RAP1GAP2: variants seen among roughly 807,000 people sequenced by gnomAD.
RAP1GAP2 encodes rap1 GTPase-activating protein 2.
In RAP1GAP2, 27 loss-of-function variants were observed where a neutral mutation model predicts 95.0. That is an observed-to-expected ratio of 0.28 (90% CI 0.21 to 0.39). RAP1GAP2 has a LOEUF of 0.39. RAP1GAP2 is among the 10% of genes least tolerant of loss of function. The probability of loss-of-function intolerance (pLI) is 1.00; values close to 1 mark genes in which losing one functional copy is unlikely to be tolerated. For missense variants in RAP1GAP2, 771 were observed against 970.0 expected, an observed-to-expected ratio of 0.79 and a Z score of 2.72; for synonymous variants, 373 against 380.9, an observed-to-expected ratio of 0.98 and a Z score of 0.24.
At chr17:2,854,648 G>C (rs1341250294) in intron 2 of RAP1GAP2, among the ~76,000 whole-genome samples, 2 of 151,880 alleles carry the variant, frequency 1.3e-5, no homozygotes, top group African/African-American at 4.8e-5. Context: ...TCTTTCGTTT[G>C]CTCCTGGATA....
chr17:3,031,801 G>C (rs1208022411), intron 23 of RAP1GAP2, among the ~76,000 whole-genome samples: 1 of 139,698 alleles, frequency 7.2e-6, no homozygotes, highest in Admixed American at 7.1e-5. Flanking sequence ...GAGGTGGGAA[G>C]GGCTGGTTCC....
At chr17:3,012,651 G>T (rs2046598622) in intron 17 of RAP1GAP2, among the ~76,000 whole-genome samples, 1 of 146,064 alleles carries the variant, frequency 6.8e-6, no homozygotes, top group South Asian at 2.2e-4. Context: ...AGTTTGCAGT[G>T]ATCACTCCAA....
At chr17:2,926,858 A>G (rs1239337022) in intron 3 of RAP1GAP2, among the ~76,000 whole-genome samples, 4 of 151,624 alleles carry the variant, frequency 2.6e-5, no homozygotes, top group Non-Finnish European at 5.9e-5. Flanking sequence ...TACAAAAAAT[A>G]CTACAGGTGT....
intron 3 of RAP1GAP2, among the ~76,000 whole-genome samples, chr17:2,953,043 T>G (rs890180133): frequency 6.6e-6 from 1 of 152,178 alleles, no homozygotes; most frequent in Non-Finnish European, 1.5e-5. Flanking sequence ...TGGGCTCATG[T>G]GGTCTGCCCG....
At chr17:3,015,876 C>T (rs932666615) in intron 17 of RAP1GAP2, among the ~76,000 whole-genome samples, 7 of 152,006 alleles carry the variant, frequency 4.6e-5, no homozygotes, top group African/African-American at 1.7e-4. Context: ...ATGAGACCAT[C>T]TGTAGGTTAC....
At chr17:2,795,483 G>A (rs2069048286), upstream of RAP1GAP2, among the ~76,000 whole-genome samples, 1 of 152,184 alleles carries the variant, frequency 6.6e-6, no homozygotes, top group Non-Finnish European at 1.5e-5. Context: ...CGAACCCTGC[G>A]GTTCAGCTGG....
At chr17:2,778,015 GGGGAGGCTGGGAGGCT>G (rs1339909784) in intron 1 of RAP1GAP2, among the ~76,000 whole-genome samples, 1,416 of 33,662 alleles carry the variant, frequency 0.042, 107 homozygotes, top group African/African-American at 0.14. Context: ...GCTGGGAGGC[GGGGAGGCTGGGAGGCT>G]GGGAGGCGGG....
chr17:2,988,494 T>G (rs1304310865), intron 11 of RAP1GAP2, among the ~76,000 whole-genome samples: 2 of 152,190 alleles, frequency 1.3e-5, no homozygotes, highest in Non-Finnish European at 2.9e-5. Context: ...CCACTTGAGA[T>G]TGGCTTTTTT....
chr17:2,890,966 T>G (rs7503297), intron 2 of RAP1GAP2, among the ~76,000 whole-genome samples: 21,614 of 151,390 alleles, frequency 0.14, 1,922 homozygotes, highest in Non-Finnish European at 0.2. Context: ...GATTACAGGC[T>G]TGAGCCACCA....
chr17:2,989,628 C>G (rs940220345), intron 11 of RAP1GAP2, among the ~76,000 whole-genome samples: 1 of 151,898 alleles, frequency 6.6e-6, no homozygotes, highest in African/African-American at 2.4e-5. Flanking sequence ...GCACCGCGCC[C>G]GGCCGTTTTC....
chr17:2,894,092 A>G (rs547063993), intron 2 of RAP1GAP2, among the ~76,000 whole-genome samples: 10 of 151,570 alleles, frequency 6.6e-5, no homozygotes, highest in African/African-American at 1.2e-4. Flanking sequence ...CCTGGCCAAC[A>G]TGGCGAAACC....
chr17:2,979,407 C>T (rs866109027), intron 8 of RAP1GAP2, among the ~76,000 whole-genome samples: 3 of 151,562 alleles, frequency 2.0e-5, no homozygotes, highest in Non-Finnish European at 4.4e-5. Flanking sequence ...TAATGGCATC[C>T]TTATTTGCAT....
intron 2 of RAP1GAP2, among the ~76,000 whole-genome samples, chr17:2,828,601 C>T (rs562351044): frequency 7.9e-5 from 12 of 152,130 alleles, no homozygotes; most frequent in African/African-American, 1.9e-4. Flanking sequence ...TTTCCCCGTC[C>T]GCCAGCAGGT....
intron 2 of RAP1GAP2, among the ~76,000 whole-genome samples, chr17:2,875,225 C>T (rs1303567411): frequency 6.6e-6 from 1 of 152,070 alleles, no homozygotes; most frequent in Non-Finnish European, 1.5e-5. Context: ...CACCACCACG[C>T]CTGGTGAATT....
chr17:2,830,365 G>A (rs1403907994), intron 2 of RAP1GAP2, among the ~76,000 whole-genome samples: 1 of 152,042 alleles, frequency 6.6e-6, no homozygotes, highest in Non-Finnish European at 1.5e-5. Flanking sequence ...AGTGAGCCGA[G>A]GAGATCGTGC....
intron 8 of RAP1GAP2, among the ~76,000 whole-genome samples, chr17:2,979,013 A>T (rs1045622356): frequency 6.6e-6 from 1 of 151,938 alleles, no homozygotes; most frequent in African/African-American, 2.4e-5. Flanking sequence ...AAATAAAAAA[A>T]TTCAGGATAT....
Position 3,027,125 on chromosome 17 carries a change from G to A in RAP1GAP2, c.2107+55G>A, listed in dbSNP as rs1463734153. The A allele has an allele frequency of 6.6e-7, 1 of 1,513,940 alleles. No individual in the cohort carries two copies. The highest frequency in any genetic ancestry group is 1.4e-5 in the African/African-American group (1 of 72,678). 93.8% of individuals were successfully genotyped at this position (1,513,940 alleles called of 1,614,324 possible). On this transcript the variant is annotated intron_variant, in intron 22 of 24. Transcript: ENST00000254695. The surrounding 1 kb of genome is among the most constrained non-coding windows in gnomAD (Gnocchi z 5.2). Reference sequence around the variant, plus strand: ...TCACCAGGAGGGCAGGCTGTGCCCTGTCCACTGTTAGCAGGGCCCCAGCCA... The same window carrying A: ...TCACCAGGAGGGCAGGCTGTGCCCTATCCACTGTTAGCAGGGCCCCAGCCA...
intron 2 of RAP1GAP2, chr17:2,854,118 G>A (rs2072021389): frequency 3.0e-6 from 3 of 985,324 alleles, no homozygotes; most frequent in South Asian, 9.4e-5. Flanking sequence ...CCCCTGCAGC[G>A]CCGGCCGCTT....
intron 17 of RAP1GAP2, among the ~76,000 whole-genome samples, chr17:3,013,068 G>A (rs577214099): frequency 2.0e-5 from 3 of 152,296 alleles, no homozygotes; most frequent in South Asian, 2.1e-4. Context: ...TGATGGACCC[G>A]GGACCGTGGC....
Sources: gnomAD v4.1 joint callset for allele counts (sites outside exome capture counted in the v4.1 genomes callset) on GRCh38, gnomAD v4.1.1 for gene constraint, Gnocchi (gnomAD v3.1) non-coding constraint, MANE v1.5 for transcripts, NCBI Gene and HGNC (gene_info 2026-07-23, HGNC 2026-07-21) for gene names.